ATP8A2: variants seen among roughly 807,000 people sequenced by gnomAD.
The protein encoded by ATP8A2 is ATPase phospholipid transporting 8A2, also known as phospholipid-transporting ATPase IB.
ATP8A2 carries 100 observed loss-of-function variants against 165.6 expected under a neutral mutation model. The ratio of observed to expected loss-of-function variants is 0.60; its 90% CI spans 0.51 to 0.71. The LOEUF is 0.71. Ranked by LOEUF, ATP8A2 falls within the 30% of genes least tolerant of loss-of-function variation. The pLI is 0.00. For synonymous variants in ATP8A2, 543 were observed against 548.8 expected (o/e 0.99, Z 0.15); for missense variants, 1,227 against 1,479.5 (o/e 0.83, Z 2.80).
intron 24 of ATP8A2, among the ~76,000 whole-genome samples, chr13:25,642,811 T>A (rs560856883): frequency 6.6e-6 from 1 of 152,198 alleles, no homozygotes; most frequent in Admixed American, 6.5e-5. Context: ...TTGGGACCAA[T>A]CAAAATGTCC....
At chr13:25,899,025 G>A (rs958865117) in intron 33 of ATP8A2, among the ~76,000 whole-genome samples, 8 of 152,214 alleles carry the variant, frequency 5.3e-5, no homozygotes, top group Admixed American at 4.6e-4. Flanking sequence ...ATGGTGCCCT[G>A]CACCCACTGT....
At chr13:25,529,420 CACTGT>C (rs2137897459) in intron 2 of ATP8A2, among the ~76,000 whole-genome samples, 1 of 152,254 alleles carries the variant, frequency 6.6e-6, no homozygotes, top group African/African-American at 2.4e-5. Flanking sequence ...TAGGTGTAAA[CACTGT>C]ACTGTAGGCT....
chr13:26,013,162 G>A (rs1956885493), intron 36 of ATP8A2, among the ~76,000 whole-genome samples: 1 of 151,764 alleles, frequency 6.6e-6, no homozygotes, highest in Non-Finnish European at 1.5e-5. Context: ...GAGCTCATGG[G>A]CTTGTTTTTA....
intron 24 of ATP8A2, among the ~76,000 whole-genome samples, chr13:25,632,637 C>A (rs757746954): frequency 6.6e-6 from 1 of 152,144 alleles, no homozygotes; most frequent in East Asian, 1.9e-4. Context: ...GATTGGCTTC[C>A]GCTGGCCTTG....
intron 24 of ATP8A2, among the ~76,000 whole-genome samples, chr13:25,612,295 C>T (rs1447061863): frequency 6.6e-6 from 1 of 152,130 alleles, no homozygotes; most frequent in African/African-American, 2.4e-5. Flanking sequence ...CCTCTTAGCA[C>T]TGCCTTTGTC....
intron 2 of ATP8A2, among the ~76,000 whole-genome samples, chr13:25,486,771 C>T (rs1033237148): frequency 6.6e-6 from 1 of 152,046 alleles, no homozygotes; most frequent in East Asian, 1.9e-4. Flanking sequence ...TTGAGACCAG[C>T]GTGGGGCAAC....
intron 25 of ATP8A2, among the ~76,000 whole-genome samples, chr13:25,749,342 C>T (rs530403881): frequency 1.3e-3 from 202 of 152,072 alleles, no homozygotes; most frequent in African/African-American, 4.4e-3. Flanking sequence ...GAGGGCCTGA[C>T]GGAGATGGGA....
chr13:25,579,881 G>A lies in ATP8A2; in HGVS notation c.1941G>A (p.Gln647=). Residue 647 remains glutamine (Q), a synonymous_variant, in exon 22 of 37, where the codon CAG becomes CAA. Transcript: ENST00000381655. ...NEYEEWLKVY[Q]EASTILKDRA... ...ATGAGGAGTGGCTGAAAGTCTATCAGGAAGCCAGCACCATATTGAAGGACA... is the reference window on the plus strand; with the variant it reads ...ATGAGGAGTGGCTGAAAGTCTATCAAGAAGCCAGCACCATATTGAAGGACA... 6.2e-7 allele frequency: 1 copy of A among 1,614,008 alleles called. No individual in the cohort carries two copies. Among genetic ancestry groups the A allele is most frequent in the South Asian group, 1.1e-5 (1 of 91,068 alleles).
At chr13:25,473,935 C>T (rs950239065) in intron 2 of ATP8A2, among the ~76,000 whole-genome samples, 3 of 152,170 alleles carry the variant, frequency 2.0e-5, no homozygotes, top group Non-Finnish European at 4.4e-5. Flanking sequence ...ATGAGCAATA[C>T]TTATGTCATC....
At chr13:25,701,360 A>T (rs1485386176) in intron 25 of ATP8A2, among the ~76,000 whole-genome samples, 1 of 152,178 alleles carries the variant, frequency 6.6e-6, no homozygotes, top group African/African-American at 2.4e-5. Flanking sequence ...ACTTTTATTC[A>T]TAAATTTCCC....
chr13:25,806,328 G>A (rs1226210432), intron 27 of ATP8A2, among the ~76,000 whole-genome samples: 1 of 152,040 alleles, frequency 6.6e-6, no homozygotes, highest in African/African-American at 2.4e-5. Flanking sequence ...ATGATCTGTG[G>A]GTGGAGTTTT....
At chr13:25,680,759 A>G (rs992267447) in intron 24 of ATP8A2, among the ~76,000 whole-genome samples, 2 of 152,190 alleles carry the variant, frequency 1.3e-5, no homozygotes, top group African/African-American at 4.8e-5. Flanking sequence ...GGCTTTTGCC[A>G]TTGCCATCAA....
At chr13:25,766,649 T>C (rs2138275596) in intron 25 of ATP8A2, among the ~76,000 whole-genome samples, 1 of 152,318 alleles carries the variant, frequency 6.6e-6, no homozygotes, top group Admixed American at 6.5e-5. Flanking sequence ...GTTGAAACTG[T>C]GAGCTACTTC....
chr13:25,864,130 C>T (rs1952434781), intron 33 of ATP8A2, among the ~76,000 whole-genome samples: 2 of 152,168 alleles, frequency 1.3e-5, no homozygotes. Context: ...CCTTCTGGTT[C>T]AGGATGGATC....
chr13:25,742,294 A>C (rs1372914866), intron 25 of ATP8A2, among the ~76,000 whole-genome samples: 2 of 152,060 alleles, frequency 1.3e-5, no homozygotes, highest in African/African-American at 2.4e-5. Context: ...TATATGCAAA[A>C]ACATCGTTAT....
chr13:25,929,375 G>A (rs1156823108), intron 33 of ATP8A2, among the ~76,000 whole-genome samples: 2 of 152,126 alleles, frequency 1.3e-5, no homozygotes, highest in South Asian at 2.1e-4. Context: ...TGAGGGTGGC[G>A]GTGCTAAAGC....
chr13:25,765,254 C>A (rs1157114223), intron 25 of ATP8A2, among the ~76,000 whole-genome samples: 1 of 152,192 alleles, frequency 6.6e-6, no homozygotes, highest in Non-Finnish European at 1.5e-5. Context: ...GTTTATATTT[C>A]TATTCATAAT....
At chr13:25,752,676 A>G (rs115473360) in intron 25 of ATP8A2, among the ~76,000 whole-genome samples, 1,589 of 152,260 alleles carry the variant, frequency 0.01, 35 homozygotes, top group African/African-American at 0.036. Context: ...GTGCAGTGGC[A>G]GTGCAAGCAT....
At chr13:25,958,099 A>G (rs1453330043) in intron 33 of ATP8A2, among the ~76,000 whole-genome samples, 2 of 151,886 alleles carry the variant, frequency 1.3e-5, no homozygotes, top group African/African-American at 4.8e-5. Context: ...ACATGGACAC[A>G]GGGAGGGGAA....
Sources: gnomAD v4.1 joint callset for allele counts (sites outside exome capture counted in the v4.1 genomes callset) on GRCh38, gnomAD v4.1.1 for gene constraint, MANE v1.5 for transcripts, NCBI Gene and HGNC (gene_info 2026-07-23, HGNC 2026-07-21) for gene names.